Variants in KCTD16 observed in about 807,000 individuals in gnomAD.
KCTD16 encodes potassium channel tetramerization domain containing 16.
KCTD16 carries 13 observed loss-of-function variants against 33.2 expected under a neutral mutation model. The observed-to-expected ratio is 0.39, with a 90% CI of 0.25 to 0.62. The LOEUF is 0.62. KCTD16 is among the 20% of genes least tolerant of loss of function. The probability of loss-of-function intolerance (pLI) is 0.50; values close to 1 mark genes in which losing one functional copy is unlikely to be tolerated. For missense variants in KCTD16, 441 were observed against 525.1 expected (o/e 0.84, Z 1.57); for synonymous variants, 197 against 195.3 (o/e 1.01, Z -0.07).
intron 3 of KCTD16, among the ~76,000 whole-genome samples, chr5:144,339,758 A>C (rs1199011750): frequency 6.6e-6 from 1 of 151,920 alleles, no homozygotes; most frequent in Non-Finnish European, 1.5e-5. Context: ...TTCCACAAAT[A>C]TTTGTTGTAT....
At chr5:144,182,762 AAG>A (rs543870540) in intron 2 of KCTD16, among the ~76,000 whole-genome samples, 4 of 149,348 alleles carry the variant, frequency 2.7e-5, no homozygotes, top group South Asian at 4.3e-4. Flanking sequence ...GAGAGAGAGA[AAG>A]AGAGAGAGAG....
At chr5:144,427,293 C>A (rs565370999) in intron 3 of KCTD16, among the ~76,000 whole-genome samples, 1 of 152,154 alleles carries the variant, frequency 6.6e-6, no homozygotes, top group African/African-American at 2.4e-5. Context: ...ACTCAGGATT[C>A]AGTTGTTAGC....
Position 144,481,947 on chromosome 5 carries a change from C to A in KCTD16, c.*7833C>A, listed in dbSNP as rs961422399. The A allele has an allele frequency of 6.6e-6, 1 of 151,912 alleles. No individual in the cohort carries two copies. The highest frequency in any genetic ancestry group is 2.4e-5 in the African/African-American group (1 of 41,390). 9.4% of individuals were successfully genotyped at this position (151,912 alleles called of 1,614,324 possible). A position where few individuals can be genotyped will look rare whatever the true frequency, so the allele number is the denominator to read the frequency against. ...CATGCCTTATCTCATTTAATCCTAT[C>A]ATAATCCAATGAAGTAAGCCCTACC... is the stretch of plus-strand genomic sequence containing the variant. On this transcript the variant is annotated 3_prime_UTR_variant, in exon 4 of 4. Coordinates refer to ENST00000512467, the MANE Select transcript of KCTD16 (RefSeq NM_020768.4).
At chr5:144,447,431 T>C (rs1057187912) in intron 3 of KCTD16, among the ~76,000 whole-genome samples, 2 of 151,876 alleles carry the variant, frequency 1.3e-5, no homozygotes, top group Non-Finnish European at 2.9e-5. Flanking sequence ...AGGGGAGGCA[T>C]AGCATTAGGA....
chr5:144,443,111 G>C (rs1753749214), intron 3 of KCTD16, among the ~76,000 whole-genome samples: 1 of 152,114 alleles, frequency 6.6e-6, no homozygotes, highest in Non-Finnish European at 1.5e-5. Flanking sequence ...GGGGAGTAGT[G>C]AGAATGAGAA....
chr5:144,420,918 G>A (rs1390824608), intron 3 of KCTD16, among the ~76,000 whole-genome samples: 1 of 152,172 alleles, frequency 6.6e-6, no homozygotes, highest in Non-Finnish European at 1.5e-5. Flanking sequence ...CACGCTTGAT[G>A]AAAGTCATCT....
intron 3 of KCTD16, among the ~76,000 whole-genome samples, chr5:144,240,458 T>A (rs80128890): frequency 0.017 from 2,548 of 152,146 alleles, 64 homozygotes; most frequent in African/African-American, 0.051. Flanking sequence ...TAGTACAGAG[T>A]CCCTGTATTA....
chr5:144,236,123 T>TA (rs1387065489), intron 3 of KCTD16, among the ~76,000 whole-genome samples: 1 of 152,022 alleles, frequency 6.6e-6, no homozygotes, highest in Non-Finnish European at 1.5e-5. Context: ...TGAAGATAGA[T>TA]AAAAAAATTG....
intron 2 of KCTD16, among the ~76,000 whole-genome samples, chr5:144,191,458 T>G (rs542481136): frequency 7.1e-4 from 100 of 140,128 alleles, no homozygotes; most frequent in Non-Finnish European, 5.8e-4. Context: ...CCTGACACAC[T>G]TACACACATA....
In KCTD16 at chr5:144,285,962, CTTT is replaced by C. The variant is rs34103216; in HGVS notation, c.832+78433_832+78435del. Among the ~76,000 whole-genome samples the C allele has an allele frequency of 2.3e-3, 268 of 117,496 alleles. 1 individual carries two copies. The Middle Eastern group carries it at 0.025, about 11-fold the overall frequency. The allele number at this position is 117,496 out of a possible 152,430, so 77.1% of individuals were successfully genotyped here. A position where few individuals can be genotyped will look rare whatever the true frequency, so the allele number is the denominator to read the frequency against. On this transcript the variant is annotated intron_variant, in intron 3 of 3. Coordinates refer to ENST00000512467, the MANE Select transcript of KCTD16 (RefSeq NM_020768.4). ...TGATTTTAATGGCTGCCATCCTAAT[CTTT>C]TTTTTTTTTTTTTTTTCAGATAAAA...
chr5:144,238,160 C>G (rs1182926547), intron 3 of KCTD16, among the ~76,000 whole-genome samples: 2 of 151,948 alleles, frequency 1.3e-5, no homozygotes, highest in Admixed American at 1.3e-4. Context: ...GGCTATGGCT[C>G]GAGAGAAGGA....
intron 3 of KCTD16, among the ~76,000 whole-genome samples, chr5:144,418,213 A>C (rs1753123417): frequency 6.6e-6 from 1 of 152,218 alleles, no homozygotes; most frequent in Admixed American, 6.5e-5. Context: ...AAGCATGAGC[A>C]GCAGCAAGCT....
chr5:144,176,313 G>A (rs969734931), intron 2 of KCTD16, among the ~76,000 whole-genome samples: 1 of 151,278 alleles, frequency 6.6e-6, no homozygotes, highest in Admixed American at 6.6e-5. Flanking sequence ...TATATTTATT[G>A]GCAAAGAAAG....
intron 3 of KCTD16, among the ~76,000 whole-genome samples, chr5:144,435,801 TTG>T (rs56793696): frequency 0.013 from 2,000 of 151,330 alleles, 39 homozygotes; most frequent in African/African-American, 0.046. Flanking sequence ...TTTGTGTGCT[TTG>T]TGTGTGTGTG....
At position 144,262,973 on chromosome 5, in the gene KCTD16, CAGATGAATG is replaced by C. The variant is rs1755052525; in HGVS notation, c.832+55429_832+55437del. ...TGGTGGACACCTTCTAACTGATAGA[CAGATGAATG>C]ATGATGACCTGGTGACTATATATAA... On this transcript the variant is annotated intron_variant, in intron 3 of 3. Transcript: ENST00000512467. Among the ~76,000 whole-genome samples, 8 of 152,272 alleles carry C rather than the reference CAGATGAATG, an allele frequency of 5.3e-5. No homozygotes were observed. In the South Asian group the frequency reaches 1.5e-3, roughly 28 times the overall value.
At chr5:144,174,956 G>C (rs532525768) in intron 2 of KCTD16, among the ~76,000 whole-genome samples, 1 of 152,286 alleles carries the variant, frequency 6.6e-6, no homozygotes, top group Non-Finnish European at 1.5e-5. Flanking sequence ...TTCAGTGAAA[G>C]CACTGAAGCA....
At chr5:144,201,339 T>C (rs1377522810) in intron 2 of KCTD16, among the ~76,000 whole-genome samples, 2 of 152,188 alleles carry the variant, frequency 1.3e-5, no homozygotes, top group Non-Finnish European at 2.9e-5. Context: ...AATCCTGAAA[T>C]TCCCCCATGA....
intron 3 of KCTD16, among the ~76,000 whole-genome samples, chr5:144,336,327 T>C (rs953978765): frequency 6.6e-6 from 1 of 152,130 alleles, no homozygotes; most frequent in Non-Finnish European, 1.5e-5. Context: ...AAGCCTGAAC[T>C]CCAGTCCACA....
At chr5:144,194,428 C>T (rs1360894652) in intron 2 of KCTD16, among the ~76,000 whole-genome samples, 1 of 152,190 alleles carries the variant, frequency 6.6e-6, no homozygotes, top group African/African-American at 2.4e-5. Context: ...GCTCTGTTTC[C>T]TTCCCTTCAC....
Sources: allele counts gnomAD v4.1 joint callset (sites outside exome capture counted in the v4.1 genomes callset), GRCh38; gene constraint gnomAD v4.1.1; transcripts MANE v1.5; gene names NCBI Gene and HGNC (gene_info 2026-07-23, HGNC 2026-07-21).